TMEM33: variants seen among roughly 807,000 people sequenced by gnomAD.
TMEM33 encodes transmembrane protein 33.
In TMEM33, 16 loss-of-function variants were observed where a neutral mutation model predicts 29.7. The ratio of observed to expected loss-of-function variants is 0.54; its 90% CI spans 0.36 to 0.82. The LOEUF (loss-of-function observed/expected upper bound fraction) is 0.82, where lower values mean the gene tolerates loss of function less well. Ranked by LOEUF, TMEM33 falls within the 40% of genes least tolerant of loss-of-function variation. The pLI is 0.00. For synonymous variants in TMEM33, 112 were observed against 109.4 expected (o/e 1.02, Z -0.15); for missense variants, 252 against 295.3 (o/e 0.85, Z 1.08).
Position 41,954,353 on chromosome 4 carries a change from G to T in TMEM33, c.*154G>T. 4 of 885,430 alleles carry T rather than the reference G, an allele frequency of 4.5e-6. No individual in the cohort carries two copies. The South Asian group carries it at 7.5e-5, about 17-fold the overall frequency. 54.8% of individuals were successfully genotyped at this position (885,430 alleles called of 1,614,324 possible). On this transcript the variant is annotated 3_prime_UTR_variant, in exon 7 of 7. Coordinates refer to ENST00000504986, the MANE Select transcript of TMEM33 (RefSeq NM_018126.3). ...CGGTGGAAAAATAATCATTTTCTTG[G>T]CATGTTAAATCAAGCTTAAAAAGTT...
At chr4:41,940,486 C>T (rs964918795) in intron 3 of TMEM33, among the ~76,000 whole-genome samples, 4 of 151,586 alleles carry the variant, frequency 2.6e-5, no homozygotes, top group East Asian at 1.9e-4. Flanking sequence ...AGGAGGAAAC[C>T]GAAATTTCCT....
Position 41,944,848 on chromosome 4 carries a change from C to T in TMEM33, c.452C>T (p.Ala151Val). Residue 151 changes from alanine (A) to valine (V), a missense_variant, in exon 5 of 7, where the codon GCT becomes GTT. Physicochemically the swap from Ala to Val is moderately conservative, Grantham distance 64. Coordinates refer to ENST00000504986, the MANE Select transcript of TMEM33 (RefSeq NM_018126.3). ...LLRSVLDKLS[A>V]NQQNILKFIA... The stretch of plus-strand genomic sequence containing the variant: ...AGATCTGTCTTGGACAAATTAAGTG[C>T]TAATCAACAAAATATTCTGAAATTC... The T allele has an allele frequency of 6.2e-7, 1 of 1,613,494 alleles. No individual in the cohort carries two copies. The highest frequency in any genetic ancestry group is 8.5e-7 in the Non-Finnish European group (1 of 1,179,792).
chr4:41,957,458 A>G lies in TMEM33; in HGVS notation c.*3259A>G, dbSNP rs1024293242. The G allele has an allele frequency of 2.0e-5, 3 of 152,044 alleles. No individual in the cohort carries two copies. The highest frequency in any genetic ancestry group is 4.8e-5 in the African/African-American group (2 of 41,396). The allele number at this position is 152,044 out of a possible 1,614,324, so 9.4% of individuals were successfully genotyped here. A position where few individuals can be genotyped will look rare whatever the true frequency, so the allele number is the denominator to read the frequency against. On this transcript the variant is annotated 3_prime_UTR_variant, in exon 7 of 7. Transcript: ENST00000504986. Reference sequence around the variant, plus strand: ...CTTTTATAGAGCTAAGAATGATGAAACCATCAATACTTCCTTCTTCCTAAA... The same window carrying G: ...CTTTTATAGAGCTAAGAATGATGAAGCCATCAATACTTCCTTCTTCCTAAA...
In TMEM33 at chr4:41,958,700, C is replaced by CTTTTTTTT. The variant is rs750862386; in HGVS notation, c.*4520_*4527dup. 1 of 93,790 alleles carries CTTTTTTTT rather than the reference C, an allele frequency of 1.1e-5. No individual in the cohort carries two copies. The highest frequency in any genetic ancestry group is 2.1e-5 in the Non-Finnish European group (1 of 47,330). 5.8% of individuals were successfully genotyped at this position (93,790 alleles called of 1,614,324 possible). A position where few individuals can be genotyped will look rare whatever the true frequency, so the allele number is the denominator to read the frequency against. On this transcript the variant is annotated 3_prime_UTR_variant, in exon 7 of 7. Transcript: ENST00000504986. ...GTAGAGACAACTAGTTTCTCTCGCT[C>CTTTTTTTT]TTTTTTTTTTTTTTTTTTTTTTTTT...
chr4:41,944,733 G>A (rs985234660), intron 4 of TMEM33, 60 bp from the exon 5 acceptor site: 4 of 1,582,482 alleles, frequency 2.5e-6, no homozygotes, highest in Non-Finnish European at 3.4e-6. Flanking sequence ...CCTACAGAAA[G>A]AAAATATTGT....
chr4:41,954,219 A>G lies in TMEM33; in HGVS notation c.*20A>G, dbSNP rs1284042967. ...CCATAGTTTAACATCTAGTTAAGCT[A>G]CAAATATAGTATAAGCATTATTAGC... On this transcript the variant is annotated 3_prime_UTR_variant, in exon 7 of 7. Coordinates refer to ENST00000504986, the MANE Select transcript of TMEM33 (RefSeq NM_018126.3). 5.0e-6 allele frequency: 8 copies of G among 1,612,874 alleles called. No homozygotes were observed. The highest frequency in any genetic ancestry group is 6.8e-6 in the Non-Finnish European group (8 of 1,179,314).
At chr4:41,947,331 A>G (rs1244666143) in intron 5 of TMEM33, among the ~76,000 whole-genome samples, 3 of 152,134 alleles carry the variant, frequency 2.0e-5, no homozygotes, top group Non-Finnish European at 4.4e-5. Flanking sequence ...TTAGTAAGCA[A>G]AATAATTTCT....
chr4:41,942,366 A>G (rs1243378279), intron 3 of TMEM33, among the ~76,000 whole-genome samples: 8 of 152,282 alleles, frequency 5.3e-5, no homozygotes, highest in Non-Finnish European at 1.0e-4. Context: ...AATTTGGAGA[A>G]CTATATTAGG....
intron 3 of TMEM33, chr4:41,939,905 C>A: frequency 5.0e-6 from 2 of 401,568 alleles, no homozygotes; most frequent in South Asian, 1.8e-5. Context: ...ATGGATAATC[C>A]GTGAAGCTAA....
At chr4:41,944,703 C>A in intron 4 of TMEM33, 90 bp from the exon 5 acceptor site, 3 of 1,435,840 alleles carry the variant, frequency 2.1e-6, no homozygotes, top group Non-Finnish European at 1.9e-6. Flanking sequence ...GGTTGTATTG[C>A]CTGTTGGATA....
intron 3 of TMEM33, among the ~76,000 whole-genome samples, chr4:41,940,046 CTTTTT>C (rs71650953): frequency 0.049 from 3,969 of 81,464 alleles, 88 homozygotes; most frequent in Middle Eastern, 0.19. Flanking sequence ...GTTAAACTTT[CTTTTT>C]TTTTTTTTTT....
intron 5 of TMEM33, among the ~76,000 whole-genome samples, chr4:41,947,106 T>A (rs1712830319): frequency 2.0e-5 from 3 of 151,836 alleles, no homozygotes. Flanking sequence ...CCTGGTGGTG[T>A]GTGCCTGTAG....
intron 3 of TMEM33, among the ~76,000 whole-genome samples, chr4:41,942,076 G>A (rs1029968415): frequency 6.6e-6 from 1 of 152,160 alleles, no homozygotes; most frequent in Non-Finnish European, 1.5e-5. Flanking sequence ...TGGAACTCAG[G>A]TATCTTGACT....
upstream of TMEM33, chr4:41,935,206 C>T (rs1387834606): frequency 1.8e-6 from 1 of 564,414 alleles, no homozygotes. Flanking sequence ...CCCCGAAGCT[C>T]CACCTTCGCT....
chr4:41,953,791 A>G, intron 6 of TMEM33: 1 of 480,850 alleles, frequency 2.1e-6, no homozygotes, highest in South Asian at 1.5e-5. Context: ...TACAATAGTA[A>G]CACCAAAGAG....
intron 1 of TMEM33, among the ~76,000 whole-genome samples, chr4:41,936,294 A>G (rs974397419): frequency 6.6e-6 from 1 of 152,242 alleles, no homozygotes; most frequent in Non-Finnish European, 1.5e-5. Flanking sequence ...TAAGCCCAGA[A>G]CTTTGGGAGT....
At chr4:41,946,276 C>T (rs1206301804) in intron 5 of TMEM33, among the ~76,000 whole-genome samples, 2 of 151,816 alleles carry the variant, frequency 1.3e-5, no homozygotes, top group African/African-American at 2.4e-5. Flanking sequence ...TTTAATGGAC[C>T]ATGCTAAATT....
intron 3 of TMEM33, chr4:41,939,886 A>C (rs539298143): frequency 2.0e-4 from 84 of 426,022 alleles, no homozygotes; most frequent in South Asian, 1.0e-3. Context: ...GTAGAAAATA[A>C]GGACACACAT....
intron 6 of TMEM33, among the ~76,000 whole-genome samples, chr4:41,952,390 C>G (rs1475903992): frequency 1.3e-5 from 2 of 152,136 alleles, no homozygotes; most frequent in East Asian, 3.9e-4. Flanking sequence ...GTAGTTGCAT[C>G]TTTATACAGG....
Sources: allele counts gnomAD v4.1 joint callset (sites outside exome capture counted in the v4.1 genomes callset), GRCh38; gene constraint gnomAD v4.1.1; transcripts MANE v1.5; gene names NCBI Gene and HGNC (gene_info 2026-07-23, HGNC 2026-07-21).